PPP2R5C: variants seen among roughly 807,000 people sequenced by gnomAD.
PPP2R5C encodes the protein protein phosphatase 2 regulatory subunit B'gamma.
In PPP2R5C, 7 loss-of-function variants were observed where a neutral mutation model predicts 68.9. That is an observed-to-expected ratio of 0.10 (90% CI 0.06 to 0.19). The LOEUF is 0.19. PPP2R5C is among the 10% of genes least tolerant of loss of function. The pLI is 1.00. For synonymous variants in PPP2R5C, 210 were observed against 222.2 expected, an observed-to-expected ratio of 0.95 and a Z score of 0.49; for missense variants, 348 against 641.3, an observed-to-expected ratio of 0.54 and a Z score of 4.94.
At position 101,890,764 on chromosome 14, in the gene PPP2R5C, CTTT is replaced by C. The variant is rs368348255; in HGVS notation, c.689+490_689+492del. On this transcript the variant is annotated intron_variant, in intron 6 of 13. Transcript: ENST00000334743. ...TATCCAAGTAAAGTTTTTAGTTGCC[CTTT>C]TTTTTTTTTTTTTTTTTTTTTCTTT... 6.9e-3 allele frequency among the ~76,000 whole-genome samples: 800 copies of C among 115,270 alleles called. 4 individuals carry two copies. The highest frequency in any genetic ancestry group is 0.025 in the African/African-American group (723 of 28,440). 75.6% of individuals were successfully genotyped at this position (115,270 alleles called of 152,430 possible). A position where few individuals can be genotyped will look rare whatever the true frequency, so the allele number is the denominator to read the frequency against.
At chr14:101,883,624 C>T in intron 5 of PPP2R5C, 62 bp downstream of exon 7, 1 of 1,567,950 alleles carries the variant, frequency 6.4e-7, no homozygotes, top group East Asian at 2.2e-5. Flanking sequence ...CCCCTCGATG[C>T]TCCCCTACCC....
intron 1 of PPP2R5C, chr14:101,810,061 A>G: frequency 6.3e-7 from 1 of 1,597,552 alleles, no homozygotes; most frequent in Non-Finnish European, 8.6e-7. Context: ...GTTTCACTGA[A>G]TCGGAACCTT....
intron 3 of PPP2R5C, among the ~76,000 whole-genome samples, chr14:101,802,914 A>G (rs2038926019): frequency 6.7e-6 from 1 of 149,990 alleles, no homozygotes; most frequent in South Asian, 2.1e-4. Context: ...TCAAAATTAC[A>G]GTGAGATACT....
intron 1 of PPP2R5C, chr14:101,843,831 T>C (rs1566897499): frequency 1.4e-5 from 3 of 210,862 alleles, no homozygotes; most frequent in East Asian, 2.4e-4. Flanking sequence ...TTTCACATCC[T>C]CCTGTCTCTG....
chr14:101,789,123 A>G (rs189012989), intron 3 of PPP2R5C, among the ~76,000 whole-genome samples: 21 of 152,344 alleles, frequency 1.4e-4, no homozygotes, highest in African/African-American at 5.1e-4. Context: ...TACAGTCTGC[A>G]TATATAGTCC....
intron 9 of PPP2R5C, among the ~76,000 whole-genome samples, chr14:101,903,685 T>G: frequency 6.6e-6 from 1 of 152,270 alleles, no homozygotes; most frequent in African/African-American, 2.4e-5. Context: ...TTTTTTTTTT[T>G]TTTCCTTTGA....
rs1358816653 is a variant in PPP2R5C, at chr14:101,888,618, CAG to C, written c.630-1618_630-1617del. 1.3e-5 allele frequency among the ~76,000 whole-genome samples: 2 copies of C among 152,008 alleles called. No homozygotes were observed. Among genetic ancestry groups the C allele is most frequent in the Admixed American group, 1.3e-4 (2 of 15,244 alleles). On this transcript the variant is annotated intron_variant, in intron 5 of 13. Transcript: ENST00000334743. The surrounding 1 kb of genome is among the most constrained non-coding windows in gnomAD (Gnocchi z 5.6). ...TTTTGTTTTGTTTTTTGTTTTGAAA[CAG>C]GGTCTCTGTTGCCCAGGCTGGAATG...
intron 1 of PPP2R5C, among the ~76,000 whole-genome samples, chr14:101,844,517 T>G (rs2041705103): frequency 6.6e-6 from 1 of 152,162 alleles, no homozygotes; most frequent in Non-Finnish European, 1.5e-5. Flanking sequence ...GTTGTGTCTG[T>G]CACCGACCCT....
intron 6 of PPP2R5C, 23 bp from the exon 9 acceptor site, chr14:101,892,977 C>T: frequency 6.7e-7 from 1 of 1,484,430 alleles, no homozygotes; most frequent in Non-Finnish European, 9.3e-7. Flanking sequence ...AATGTTCAAA[C>T]CTAATAAATG....
intron 1 of PPP2R5C, among the ~76,000 whole-genome samples, chr14:101,851,666 T>C (rs1012194995): frequency 1.3e-5 from 2 of 152,092 alleles, no homozygotes; most frequent in Admixed American, 6.5e-5. Context: ...GGGTAATGCT[T>C]ATTTGGAAGG....
At chr14:101,889,285 C>T (rs984365774) in intron 5 of PPP2R5C, among the ~76,000 whole-genome samples, 1 of 152,176 alleles carries the variant, frequency 6.6e-6, no homozygotes, top group Non-Finnish European at 1.5e-5. Context: ...TTCAGACCCT[C>T]TCACTGCATG....
chr14:101,866,476 C>G (rs1381810041), intron 2 of PPP2R5C, among the ~76,000 whole-genome samples: 1 of 152,248 alleles, frequency 6.6e-6, no homozygotes, highest in East Asian at 1.9e-4. Context: ...AAGCTGAAGG[C>G]CTCGCCAACA....
upstream of PPP2R5C, chr14:101,761,684 C>CGCT (rs1210528665): frequency 3.5e-5 from 8 of 227,534 alleles, no homozygotes; most frequent in South Asian, 1.5e-4. Flanking sequence ...GAGACGCCGC[C>CGCT]GCTGCCGCCG....
chr14:101,782,103 C>T, intron 2 of PPP2R5C, among the ~76,000 whole-genome samples: 2 of 81,912 alleles, frequency 2.4e-5, no homozygotes, highest in East Asian at 5.5e-4. Flanking sequence ...TTCTTCCCCT[C>T]CCCCCTCCCC....
exon 14 of PPP2R5C, chr14:101,925,249 C>A: frequency 6.2e-7 from 1 of 1,613,460 alleles, no homozygotes; most frequent in Non-Finnish European, 8.5e-7. Context: ...GGCCGATGAG[C>A]TGGCCTCCCA....
At position 101,888,902 on chromosome 14, in the gene PPP2R5C, T is replaced by C. The variant is rs1301552169; in HGVS notation, c.630-1335T>C. 6.6e-6 allele frequency among the ~76,000 whole-genome samples: 1 copy of C among 152,130 alleles called. No homozygotes were observed. The highest frequency in any genetic ancestry group is 1.5e-5 in the Non-Finnish European group (1 of 68,034). ...CCACTGTGCCCGGCCAGATTTCGGC[T>C]TTTCTAAGCTGGCCTTCCAGCCTCT... On this transcript the variant is annotated intron_variant, in intron 5 of 13. Transcript: ENST00000334743. The surrounding 1 kb of genome is among the most constrained non-coding windows in gnomAD (Gnocchi z 5.6).
intron 1 of PPP2R5C, among the ~76,000 whole-genome samples, chr14:101,834,498 A>G (rs1174066294): frequency 1.3e-5 from 2 of 152,208 alleles, no homozygotes; most frequent in Non-Finnish European, 2.9e-5. Flanking sequence ...TCCTCTTGTG[A>G]TCAGGCAGCT....
intron 1 of PPP2R5C, among the ~76,000 whole-genome samples, chr14:101,811,476 G>T (rs530696346): frequency 6.6e-6 from 1 of 152,210 alleles, no homozygotes; most frequent in South Asian, 2.1e-4. Context: ...GAGTAGCTGA[G>T]ACTTCAGGCA....
intron 1 of PPP2R5C, chr14:101,824,147 T>G (rs555044753): frequency 1.6e-6 from 2 of 1,281,864 alleles, no homozygotes; most frequent in East Asian, 1.1e-4. Context: ...ATTTTAGACA[T>G]AGCTGGCAAG....
Sources: allele counts gnomAD v4.1 joint callset (sites outside exome capture counted in the v4.1 genomes callset), GRCh38; gene constraint gnomAD v4.1.1; non-coding constraint Gnocchi (gnomAD v3.1); transcripts MANE v1.5; gene names NCBI Gene and HGNC (gene_info 2026-07-23, HGNC 2026-07-21).